The following DENND2A variants were observed in gnomAD, a reference collection of about 807,000 sequenced individuals.
The protein encoded by DENND2A is DENN domain-containing protein 2A.
Under a neutral mutation model 105.3 loss-of-function variants are expected in DENND2A, and 53 were observed. The ratio of observed to expected loss-of-function variants is 0.50; its 90% CI spans 0.40 to 0.63. The LOEUF is 0.63. Ranked by LOEUF, DENND2A falls within the 30% of genes least tolerant of loss-of-function variation. The probability of loss-of-function intolerance (pLI) is 0.00; values close to 1 mark genes in which losing one functional copy is unlikely to be tolerated. For missense variants in DENND2A, 1,138 were observed against 1,279.6 expected (o/e 0.89, Z 1.69); for synonymous variants, 522 against 508.4 (o/e 1.03, Z -0.36).
chr7:140,624,771 T>A (rs1047704123), intron 1 of DENND2A, among the ~76,000 whole-genome samples: 11 of 152,090 alleles, frequency 7.2e-5, no homozygotes, highest in Admixed American at 6.6e-4. Flanking sequence ...AGTTCGTGTT[T>A]CTGGTGATTG....
At position 140,602,025 on chromosome 7, in the gene DENND2A, C is replaced by T; in HGVS notation, c.373G>A (p.Gly125Arg). Residue 125 changes from glycine (G) to arginine (R), a missense_variant, in exon 3 of 20, where the codon GGG becomes AGG. Gly to Arg is a moderately radical substitution (Grantham distance 125). This residue lies in a region of DENND2A where 511 missense variants were observed against 499.9 expected (regional missense o/e 1.02). Transcript: ENST00000496613. ...CGTTCTGGCTGGCTTAGGTCTTGCC[C>T]CGGCTCTGGGTCCTGTCCCCCGACG... The part of the protein sequence containing the change: ...VNVGGQDPEP[G>R]QDLSQPEREV... 6.2e-7 allele frequency: 1 copy of T among 1,614,188 alleles called. No homozygotes were observed. The highest frequency in any genetic ancestry group is 1.1e-5 in the South Asian group (1 of 91,082).
rs1796932136 is a variant in DENND2A, at chr7:140,546,901, A to G, written c.2076T>C (p.Pro692=). The G allele has an allele frequency of 6.2e-7, 1 of 1,613,962 alleles. No homozygotes were observed. The change falls in exon 13 of 20, where the codon CCT becomes CCC. Residue 692 remains proline (P), a synonymous_variant. Transcript: ENST00000496613. ...DEVEKRRGIS[P]ALVQPLMRSV... is the part of the protein sequence containing the mutation. Reference sequence around the variant, plus strand: ...TTCTCATGAGTGGCTGAACCAGGGCAGGAGAGATGCCTCGTCTTTTTTCCA... The same window carrying G: ...TTCTCATGAGTGGCTGAACCAGGGCGGGAGAGATGCCTCGTCTTTTTTCCA...
intron 12 of DENND2A, among the ~76,000 whole-genome samples, chr7:140,548,483 C>T (rs1243769170): frequency 1.3e-5 from 2 of 151,942 alleles, no homozygotes; most frequent in African/African-American, 4.8e-5. Context: ...GATCATGCCA[C>T]CACACTCCAG....
chr7:140,615,615 G>A (rs1183274278), intron 1 of DENND2A, among the ~76,000 whole-genome samples: 1 of 150,862 alleles, frequency 6.6e-6, no homozygotes, highest in Non-Finnish European at 1.5e-5. Context: ...TTGGCTGACT[G>A]CAGTCTCAAC....
intron 3 of DENND2A, among the ~76,000 whole-genome samples, chr7:140,595,032 G>A (rs1292823276): frequency 1.3e-5 from 2 of 151,238 alleles, no homozygotes; most frequent in African/African-American, 4.9e-5. Flanking sequence ...TTTTGAGATG[G>A]AGTCTTGCTC....
At chr7:140,537,452 T>C (rs542508620) in intron 14 of DENND2A, among the ~76,000 whole-genome samples, 1 of 152,186 alleles carries the variant, frequency 6.6e-6, no homozygotes, top group South Asian at 2.1e-4. Flanking sequence ...ATTTGTTTTA[T>C]TTTTTAATTT....
At chr7:140,529,908 G>A (rs1340275144) in intron 14 of DENND2A, among the ~76,000 whole-genome samples, 1 of 152,018 alleles carries the variant, frequency 6.6e-6, no homozygotes, top group Non-Finnish European at 1.5e-5. Flanking sequence ...AGACCTGCAC[G>A]CTGTGCACAT....
At chr7:140,589,866 C>A (rs1413897838) in intron 3 of DENND2A, among the ~76,000 whole-genome samples, 1 of 152,132 alleles carries the variant, frequency 6.6e-6, no homozygotes, top group African/African-American at 2.4e-5. Flanking sequence ...TGGGCTCAAG[C>A]GATCCTCCTG....
rs199555273 is a variant in DENND2A at position 140,527,411 on chromosome 7, G to A, written c.2412C>T (p.Pro804=). The A allele has an allele frequency of 1.5e-5, 24 of 1,602,698 alleles. No homozygotes were observed. The highest frequency in any genetic ancestry group is 2.0e-5 in the Non-Finnish European group (23 of 1,176,300). The part of the protein sequence containing the change: ...WQHTYIPVLP[P]AMVDIVCSPT... Reference sequence around the variant, plus strand: ...GCGAGCACACGATGTCGACCATGGCGGGTGGCAGCACCGGGATGTAGGTGT... The same window carrying A: ...GCGAGCACACGATGTCGACCATGGCAGGTGGCAGCACCGGGATGTAGGTGT... Residue 804 remains proline (P), a synonymous_variant, in exon 15 of 20, where the codon CCC becomes CCT. Transcript: ENST00000496613. This position sits in a 1 kb window ranked among gnomAD's most constrained non-coding sequence, Gnocchi z 4.9.
chr7:140,640,611 G>C lies in DENND2A; in HGVS notation c.-355C>G, dbSNP rs1018725265. ...CGGGGGCGGGCGGCGGCGGGTGCCG[G>C]GGACGCCATGGCCCTCCGCCCTCCG... On this transcript the variant is annotated 5_prime_UTR_variant, in exon 1 of 20. Coordinates refer to ENST00000496613, the MANE Select transcript of DENND2A (RefSeq NM_015689.5). The surrounding 1 kb of genome is among the most constrained non-coding windows in gnomAD (Gnocchi z 4.9). The C allele has an allele frequency of 6.7e-6, 1 of 148,694 alleles. No homozygotes were observed. Among genetic ancestry groups the C allele is most frequent in the African/African-American group, 2.4e-5 (1 of 41,002 alleles). 9.2% of individuals were successfully genotyped at this position (148,694 alleles called of 1,614,324 possible).
intron 18 of DENND2A, among the ~76,000 whole-genome samples, chr7:140,520,609 A>G (rs1311334366): frequency 1.7e-4 from 25 of 150,278 alleles, no homozygotes; most frequent in African/African-American, 5.9e-4. Flanking sequence ...CCCAGGCTGG[A>G]GTGTAATGGT....
intron 11 of DENND2A, among the ~76,000 whole-genome samples, chr7:140,555,926 T>C (rs1425345233): frequency 1.3e-5 from 2 of 152,218 alleles, no homozygotes; most frequent in Admixed American, 1.3e-4. Context: ...AATGATAATT[T>C]CAAGTGAGAA....
intron 1 of DENND2A, among the ~76,000 whole-genome samples, chr7:140,611,190 C>A (rs888649971): frequency 5.3e-5 from 8 of 152,064 alleles, no homozygotes; most frequent in Non-Finnish European, 8.8e-5. Flanking sequence ...TACAGGCATG[C>A]GCCACCACAA....
At chr7:140,616,516 G>A (rs1319786281) in intron 1 of DENND2A, among the ~76,000 whole-genome samples, 1 of 152,006 alleles carries the variant, frequency 6.6e-6, no homozygotes, top group East Asian at 1.9e-4. Flanking sequence ...ATAGAGTGGT[G>A]GTTGTTACAC....
chr7:140,556,687 T>C (rs1009360081), intron 11 of DENND2A, among the ~76,000 whole-genome samples: 2 of 152,190 alleles, frequency 1.3e-5, no homozygotes, highest in Non-Finnish European at 2.9e-5. Context: ...AAAATTATTA[T>C]CTCACTTACC....
At chr7:140,536,182 G>A (rs1217351811) in intron 14 of DENND2A, among the ~76,000 whole-genome samples, 2 of 152,006 alleles carry the variant, frequency 1.3e-5, no homozygotes, top group South Asian at 2.1e-4. Flanking sequence ...GTGAAACCCC[G>A]TCTCTACTAA....
At chr7:140,542,008 A>G (rs1167528168) in intron 14 of DENND2A, among the ~76,000 whole-genome samples, 1 of 150,756 alleles carries the variant, frequency 6.6e-6, no homozygotes, top group Non-Finnish European at 1.5e-5. Context: ...TTTGTTTTCC[A>G]TAGTTCAGAG....
At chr7:140,538,304 G>A (rs1475094131) in intron 14 of DENND2A, among the ~76,000 whole-genome samples, 12 of 152,050 alleles carry the variant, frequency 7.9e-5, no homozygotes, top group Non-Finnish European at 1.3e-4. Flanking sequence ...ACCGGGCCAC[G>A]CACTGAGTCT....
chr7:140,584,288 C>T (rs573343884), intron 5 of DENND2A, among the ~76,000 whole-genome samples: 6 of 152,282 alleles, frequency 3.9e-5, no homozygotes, highest in Non-Finnish European at 7.4e-5. Context: ...GATTGAAATA[C>T]AGCCACACTC....
Sources: allele counts gnomAD v4.1 joint callset (sites outside exome capture counted in the v4.1 genomes callset), GRCh38; gene constraint gnomAD v4.1.1; regional missense constraint gnomAD v4.1.1; non-coding constraint Gnocchi (gnomAD v3.1); transcripts MANE v1.5; gene names NCBI Gene and HGNC (gene_info 2026-07-23, HGNC 2026-07-21).